PTAR1: variants seen among roughly 807,000 people sequenced by gnomAD.
The protein encoded by PTAR1 is protein prenyltransferase alpha subunit repeat containing 1, also known as protein prenyltransferase alpha subunit repeat-containing protein 1.
Under a neutral mutation model 45.5 loss-of-function variants are expected in PTAR1, and 17 were observed. The observed-to-expected ratio is 0.37, with a 90% CI of 0.26 to 0.56. The LOEUF is 0.56. Among genes scored for constraint, PTAR1 ranks in the 20% least tolerant of loss-of-function variants. The pLI is 0.77. For missense variants in PTAR1, 391 were observed against 476.3 expected (o/e 0.82, Z 1.67); for synonymous variants, 169 against 171.3 (o/e 0.99, Z 0.11).
chr9:69,742,618 TA>T (rs1334936126), intron 2 of PTAR1, among the ~76,000 whole-genome samples: 1 of 152,074 alleles, frequency 6.6e-6, no homozygotes, highest in Admixed American at 6.6e-5. Flanking sequence ...CAAAACAACT[TA>T]AAAATCAGTA....
At chr9:69,753,885 C>T (rs944944792) in intron 1 of PTAR1, among the ~76,000 whole-genome samples, 1 of 152,160 alleles carries the variant, frequency 6.6e-6, no homozygotes, top group Non-Finnish European at 1.5e-5. Context: ...ATAGTATCTT[C>T]CCTGCCTGTT....
At position 69,711,181 on chromosome 9, in the gene PTAR1, T is replaced by G. The variant is rs962374267; in HGVS notation, c.*7161A>C. On this transcript the variant is annotated 3_prime_UTR_variant, in exon 8 of 8. Coordinates refer to ENST00000340434, the MANE Select transcript of PTAR1 (RefSeq NM_001099666.2). Reference sequence around the variant, plus strand: ...CAAAAACAGTAAGTTAATCTAAGAATGCATTCCATTATTTTCCTAAAAACA... The same window carrying G: ...CAAAAACAGTAAGTTAATCTAAGAAGGCATTCCATTATTTTCCTAAAAACA... The G allele has an allele frequency of 6.6e-6, 1 of 152,150 alleles. No individual in the cohort carries two copies. The highest frequency in any genetic ancestry group is 2.4e-5 in the African/African-American group (1 of 41,442). The allele number at this position is 152,150 out of a possible 1,614,324, so 9.4% of individuals were successfully genotyped here.
chr9:69,737,155 C>T (rs1825825332), intron 3 of PTAR1, among the ~76,000 whole-genome samples: 1 of 152,108 alleles, frequency 6.6e-6, no homozygotes, highest in South Asian at 2.1e-4. Flanking sequence ...TCTTGGCTCA[C>T]TGAAATCTCT....
chr9:69,718,755 A>T, intron 6 of PTAR1, 71 bp from the exon 7 acceptor site: 1 of 1,294,374 alleles, frequency 7.7e-7, no homozygotes, highest in Non-Finnish European at 1.0e-6. Flanking sequence ...CAGAAAAAAA[A>T]GTTTGCAATT....
chr9:69,756,593 A>T (rs891565305), intron 1 of PTAR1, among the ~76,000 whole-genome samples: 1 of 152,026 alleles, frequency 6.6e-6, no homozygotes, highest in Admixed American at 6.6e-5. Flanking sequence ...TCTCAGCCAC[A>T]CTTTGCTTGT....
intron 1 of PTAR1, among the ~76,000 whole-genome samples, chr9:69,754,011 T>C (rs1216901277): frequency 6.6e-6 from 1 of 152,206 alleles, no homozygotes; most frequent in African/African-American, 2.4e-5. Context: ...ATTTAAGCCT[T>C]TGTCAAGTTA....
chr9:69,715,507 G>A lies in PTAR1; in HGVS notation c.*2835C>T, dbSNP rs1824695129. On this transcript the variant is annotated 3_prime_UTR_variant, in exon 8 of 8. Transcript: ENST00000340434. ...AAGGCGGGGTGAAGGTGGTGTTGGA[G>A]ACAGTTACAGAGCTTAATGCTTTTT... is the stretch of plus-strand genomic sequence containing the variant. 6.6e-6 allele frequency: 1 copy of A among 152,164 alleles called. No homozygotes were observed. Among genetic ancestry groups the A allele is most frequent in the Admixed American group, 6.6e-5 (1 of 15,252 alleles). 9.4% of individuals were successfully genotyped at this position (152,164 alleles called of 1,614,324 possible).
At chr9:69,757,150 AAAC>A (rs1826817382) in intron 1 of PTAR1, 1 of 152,214 alleles carries the variant, frequency 6.6e-6, no homozygotes, top group African/African-American at 2.4e-5. Flanking sequence ...TTAATAGAAA[AAAC>A]AATAACTTGC....
chr9:69,745,025 C>A (rs966575656), intron 2 of PTAR1, among the ~76,000 whole-genome samples: 3 of 152,314 alleles, frequency 2.0e-5, no homozygotes, highest in South Asian at 2.1e-4. Context: ...AACAAGGACT[C>A]ACTCAGTGAA....
Position 69,723,625 on chromosome 9 carries a change from A to C in PTAR1, c.648T>G (p.Leu216=). 1 of 1,599,030 alleles carries C rather than the reference A, an allele frequency of 6.3e-7. No individual in the cohort carries two copies. The highest frequency in any genetic ancestry group is 8.5e-7 in the Non-Finnish European group (1 of 1,171,412). The change falls in exon 6 of 8, where the codon CTT becomes CTG. Residue 216 remains leucine, a synonymous_variant. Coordinates refer to ENST00000340434, the MANE Select transcript of PTAR1 (RefSeq NM_001099666.2). The part of the protein sequence containing the change: ...QHLAKLDVKI[L]LDELSSTKHW... Reference sequence around the variant, plus strand: ...GTTTAGTAGAAGATAGTTCATCAAGAAGAATCTTTTAAGAAGAAAAAAGGG... The same window carrying C: ...GTTTAGTAGAAGATAGTTCATCAAGCAGAATCTTTTAAGAAGAAAAAAGGG...
At chr9:69,759,102 C>G (rs1278556088) in intron 1 of PTAR1, among the ~76,000 whole-genome samples, 1 of 152,120 alleles carries the variant, frequency 6.6e-6, no homozygotes, top group African/African-American at 2.4e-5. Flanking sequence ...CACAGTACTT[C>G]AAGTAAAATG....
Position 69,718,035 on chromosome 9 carries a change from T to C in PTAR1, c.*307A>G, listed in dbSNP as rs1025401352. On this transcript the variant is annotated 3_prime_UTR_variant, in exon 8 of 8. Transcript: ENST00000340434. Reference sequence around the variant, plus strand: ...TTGGACTGAGGGGGGTAGAGGTGTGTGTGTGTGAACCAATCAGGAAAACCA... The same window carrying C: ...TTGGACTGAGGGGGGTAGAGGTGTGCGTGTGTGAACCAATCAGGAAAACCA... 1 of 239,272 alleles carries C rather than the reference T, an allele frequency of 4.2e-6. No individual in the cohort carries two copies. Among genetic ancestry groups the C allele is most frequent in the Non-Finnish European group, 8.1e-6 (1 of 123,620 alleles). 14.8% of individuals were successfully genotyped at this position (239,272 alleles called of 1,614,324 possible).
rs1245172299 is a variant in PTAR1 at position 69,711,022 on chromosome 9, T to G, written c.*7320A>C. On this transcript the variant is annotated 3_prime_UTR_variant, in exon 8 of 8. Coordinates refer to ENST00000340434, the MANE Select transcript of PTAR1 (RefSeq NM_001099666.2). The stretch of plus-strand genomic sequence containing the variant: ...ATGCAATTGACTAGTGTCCACAAAA[T>G]TCGAGTCAAAAAAAAATTAGACGCT... 6.6e-6 allele frequency: 1 copy of G among 152,102 alleles called. No individual in the cohort carries two copies. Among genetic ancestry groups the G allele is most frequent in the Non-Finnish European group, 1.5e-5 (1 of 68,010 alleles). 9.4% of individuals were successfully genotyped at this position (152,102 alleles called of 1,614,324 possible).
chr9:69,719,062 A>T (rs1824862130), intron 6 of PTAR1, among the ~76,000 whole-genome samples: 1 of 152,184 alleles, frequency 6.6e-6, no homozygotes, highest in Non-Finnish European at 1.5e-5. Flanking sequence ...GACAAATCTC[A>T]TTGATATCCT....
chr9:69,718,760 G>T, intron 6 of PTAR1, 76 bp from the exon 7 acceptor site: 1 of 1,233,520 alleles, frequency 8.1e-7, no homozygotes, highest in Non-Finnish European at 1.1e-6. Flanking sequence ...AAAAAAGTTT[G>T]CAATTTCAAA....
In PTAR1 at chr9:69,711,496, C is replaced by G. The variant is rs1038026177; in HGVS notation, c.*6846G>C. ...TCATGCCAAAGATGTTCTGAGAAAA[C>G]AAGCAGAAGTTTATTGTAACTTCAC... On this transcript the variant is annotated 3_prime_UTR_variant, in exon 8 of 8. Transcript: ENST00000340434. 15 of 152,114 alleles carry G rather than the reference C, an allele frequency of 9.9e-5. No homozygotes were observed. Among genetic ancestry groups the G allele is most frequent in the African/African-American group, 3.4e-4 (14 of 41,442 alleles). The allele number at this position is 152,114 out of a possible 1,614,324, so 9.4% of individuals were successfully genotyped here.
chr9:69,731,297 G>A (rs562499872), intron 5 of PTAR1, among the ~76,000 whole-genome samples: 3 of 152,208 alleles, frequency 2.0e-5, no homozygotes, highest in Admixed American at 1.3e-4. Context: ...ATCACCTGGG[G>A]CACTTCAATC....
At chr9:69,730,878 T>C (rs1031905795) in intron 5 of PTAR1, among the ~76,000 whole-genome samples, 1 of 150,550 alleles carries the variant, frequency 6.6e-6, no homozygotes. Flanking sequence ...ATCGAGTGAA[T>C]CTCTCTCTAT....
At chr9:69,723,835 GA>G (rs1359587056) in intron 5 of PTAR1, among the ~76,000 whole-genome samples, 9 of 151,656 alleles carry the variant, frequency 5.9e-5, no homozygotes, top group African/African-American at 1.7e-4. Flanking sequence ...AAAAGTGATA[GA>G]TTTTTTTTTA....
Sources: gnomAD v4.1 joint callset for allele counts (sites outside exome capture counted in the v4.1 genomes callset) on GRCh38, gnomAD v4.1.1 for gene constraint, MANE v1.5 for transcripts, NCBI Gene and HGNC (gene_info 2026-07-23, HGNC 2026-07-21) for gene names.